The following FRYL variants were observed in gnomAD, a reference collection of about 807,000 sequenced individuals.
FRYL encodes the protein FRY like transcription coactivator, also known as protein furry homolog-like.
FRYL carries 150 observed loss-of-function variants against 351.2 expected under a neutral mutation model. That is an observed-to-expected ratio of 0.43 (90% CI 0.37 to 0.49). The LOEUF (loss-of-function observed/expected upper bound fraction) is 0.49. Among genes scored for constraint, FRYL ranks in the 20% least tolerant of loss-of-function variants. The pLI, the probability that FRYL is intolerant of heterozygous loss-of-function variation, is 0.00. For synonymous variants in FRYL, 1,153 were observed against 1,257.1 expected (o/e 0.92, Z 1.75); for missense variants, 3,036 against 3,619.3 (o/e 0.84, Z 4.13).
intron 53 of FRYL, among the ~76,000 whole-genome samples, chr4:48,525,163 G>GTATATATATATATATA (rs57457069): frequency 5.7e-5 from 8 of 139,900 alleles, no homozygotes; most frequent in African/African-American, 2.3e-4. Context: ...ATTTTTAAAG[G>GTATATATATATATATA]TATATATATA....
chr4:48,735,971 T>TAAAAAAAAAAA (rs71191254), intron 1 of FRYL, among the ~76,000 whole-genome samples: 1 of 100,732 alleles, frequency 9.9e-6, no homozygotes, highest in East Asian at 2.9e-4. Context: ...TAGAGTATAA[T>TAAAAAAAAAAA]AAAAAAAAAA....
chr4:48,652,190 C>T (rs1416887422), intron 3 of FRYL, among the ~76,000 whole-genome samples: 1 of 152,138 alleles, frequency 6.6e-6, no homozygotes, highest in African/African-American at 2.4e-5. Flanking sequence ...ACAGGATAAC[C>T]ACATAGTTCA....
intron 1 of FRYL, among the ~76,000 whole-genome samples, chr4:48,769,560 A>G (rs533896106): frequency 2.6e-5 from 4 of 152,368 alleles, no homozygotes; most frequent in Admixed American, 1.3e-4. Flanking sequence ...CACTTACAGT[A>G]TGACCCAGTA....
In FRYL at chr4:48,581,496, C is replaced by A; in HGVS notation, c.2096G>T (p.Arg699Leu). The change falls in exon 21 of 64, where the codon CGA becomes CTA. Residue 699 changes from arginine (R) to leucine (L), a missense_variant. By Grantham distance (102) the Arg-to-Leu change is moderately radical. This residue lies in a region of FRYL where 492 missense variants were observed against 551.5 expected (regional missense o/e 0.89). Coordinates refer to ENST00000358350, the MANE Select transcript of FRYL (RefSeq NM_015030.2). ...GFALVILCSS[R>L]PATRRLAVSV... is the part of the protein sequence containing the mutation. ...GACGGCTAGTCTCCTAGTGGCAGGT[C>A]GACTGCTACAGAGAATGACAAGCGC... is the stretch of plus-strand genomic sequence containing the variant. The A allele has an allele frequency of 6.2e-7, 1 of 1,613,526 alleles. No homozygotes were observed. Among genetic ancestry groups the A allele is most frequent in the Non-Finnish European group, 8.5e-7 (1 of 1,179,860 alleles).
intron 3 of FRYL, among the ~76,000 whole-genome samples, chr4:48,665,542 T>C (rs1299585469): frequency 2.6e-5 from 4 of 152,200 alleles, no homozygotes; most frequent in Non-Finnish European, 4.4e-5. Context: ...ATAATGCATA[T>C]TTATTTTATT....
chr4:48,507,679 A>T (rs1318194460), intron 59 of FRYL, among the ~76,000 whole-genome samples: 1 of 150,388 alleles, frequency 6.6e-6, no homozygotes, highest in Non-Finnish European at 1.5e-5. Flanking sequence ...CTACAGTTTC[A>T]CTGGGCTGGG....
chr4:48,780,032 T>C (rs1776508329), intron 1 of FRYL, 46 bp downstream of exon 1: 1 of 151,912 alleles, frequency 6.6e-6, no homozygotes, highest in African/African-American at 2.4e-5. Context: ...GCCCCGGGGC[T>C]GGAAGAGAAA....
intron 1 of FRYL, among the ~76,000 whole-genome samples, chr4:48,714,008 C>T (rs1468863103): frequency 6.6e-6 from 1 of 151,768 alleles, no homozygotes; most frequent in Non-Finnish European, 1.5e-5. Flanking sequence ...GAACAACCTG[C>T]TCCTGAACGA....
rs1734423304 is a variant in FRYL at position 48,557,627 on chromosome 4, C to T, written c.3951G>A (p.Glu1317=). 1 of 1,614,178 alleles carries T rather than the reference C, an allele frequency of 6.2e-7. No individual in the cohort carries two copies. Among genetic ancestry groups the T allele is most frequent in the Non-Finnish European group, 8.5e-7 (1 of 1,180,026 alleles). The part of the protein sequence containing the change: ...HYLLPWMNNI[E]LVDLKPLPTA... The stretch of plus-strand genomic sequence containing the variant: ...TGGGGAGAGGTTTTAAGTCCACCAG[C>T]TCGATGTTGTTCATCCATGGTAGCA... Residue 1317 remains glutamate (E), a synonymous_variant, in exon 34 of 64, where the codon GAG becomes GAA. Transcript: ENST00000358350.
intron 3 of FRYL, among the ~76,000 whole-genome samples, chr4:48,643,708 C>T (rs1297781685): frequency 1.3e-5 from 2 of 151,846 alleles, no homozygotes; most frequent in Non-Finnish European, 2.9e-5. Flanking sequence ...GCAACAATCA[C>T]CTAGAAATAG....
In FRYL at chr4:48,768,796, A is replaced by G. The variant is rs569331411; in HGVS notation, c.-384+11282T>C. ...ACACAGCGAGTCTCTGTCTCAAAGA[A>G]AAAAAAAAAGGTACAATTCATAGAA... On this transcript the variant is annotated intron_variant, in intron 1 of 63. Coordinates refer to ENST00000358350, the MANE Select transcript of FRYL (RefSeq NM_015030.2). 4.7e-5 allele frequency among the ~76,000 whole-genome samples: 7 copies of G among 149,942 alleles called. No individual in the cohort carries two copies. In the South Asian group the frequency reaches 1.5e-3, roughly 32 times the overall value.
chr4:48,765,558 T>C (rs1050102196), intron 1 of FRYL, among the ~76,000 whole-genome samples: 2 of 151,078 alleles, frequency 1.3e-5, no homozygotes, highest in African/African-American at 4.9e-5. Context: ...AGAAAAAGCA[T>C]AGGGGGAAAG....
intron 1 of FRYL, among the ~76,000 whole-genome samples, chr4:48,729,778 T>TG (rs1295427632): frequency 6.6e-6 from 1 of 152,014 alleles, no homozygotes; most frequent in Non-Finnish European, 1.5e-5. Context: ...ACCACAAAGA[T>TG]GGAGAGAAGC....
At chr4:48,780,039 G>A (rs1220503579) in intron 1 of FRYL, 39 bp downstream of exon 1, 1 of 152,172 alleles carries the variant, frequency 6.6e-6, no homozygotes, top group Admixed American at 6.5e-5. Flanking sequence ...GGCTGGAAGA[G>A]AAAGTAAAAT....
chr4:48,568,499 C>T (rs1737375182), intron 27 of FRYL, among the ~76,000 whole-genome samples: 1 of 152,156 alleles, frequency 6.6e-6, no homozygotes, highest in Non-Finnish European at 1.5e-5. Context: ...TTAGCTATTA[C>T]ATATGCATTT....
chr4:48,528,082 T>C (rs760066630), intron 51 of FRYL, 37 bp from the exon 52 acceptor site: 1 of 1,558,018 alleles, frequency 6.4e-7, no homozygotes, highest in Non-Finnish European at 8.7e-7. Context: ...TTAGGACTGC[T>C]GATAAAATAA....
chr4:48,764,337 C>T (rs1202855742), intron 1 of FRYL, among the ~76,000 whole-genome samples: 4 of 147,434 alleles, frequency 2.7e-5, no homozygotes, highest in Non-Finnish European at 4.5e-5. Flanking sequence ...AAGACCAGCC[C>T]GGTGCAACAA....
intron 1 of FRYL, among the ~76,000 whole-genome samples, chr4:48,714,302 A>T (rs1023799184): frequency 6.8e-6 from 1 of 147,578 alleles, no homozygotes; most frequent in African/African-American, 2.5e-5. Context: ...AGAGACACAA[A>T]AAACCCTTAA....
rs80299732 is a variant in FRYL at position 48,725,790 on chromosome 4, T to C, written c.-383-15092A>G. On this transcript the variant is annotated intron_variant, in intron 1 of 63. Coordinates refer to ENST00000358350, the MANE Select transcript of FRYL (RefSeq NM_015030.2). ...GAGTAGTGATGCTGGCATATTGTTA[T>C]AATTGTTCTATCTTATTAACTATTG... Among the ~76,000 whole-genome samples, 817 of 152,338 alleles carry C rather than the reference T, an allele frequency of 5.4e-3. 2 individuals are homozygous for C. The highest frequency in any genetic ancestry group is 8.8e-3 in the Non-Finnish European group (597 of 68,030).
Sources: gnomAD v4.1 joint callset for allele counts (sites outside exome capture counted in the v4.1 genomes callset) on GRCh38, gnomAD v4.1.1 for gene constraint, gnomAD v4.1.1 regional missense constraint, MANE v1.5 for transcripts, NCBI Gene and HGNC (gene_info 2026-07-23, HGNC 2026-07-21) for gene names.